Variants in ERCC6 observed in about 807,000 individuals in gnomAD.
The protein encoded by ERCC6 is ERCC excision repair 6, chromatin remodeling factor, also known as DNA excision repair protein ERCC-6.
ERCC6 carries 116 observed loss-of-function variants against 158.7 expected under a neutral mutation model. That is an observed-to-expected ratio of 0.73 (90% CI 0.63 to 0.85). ERCC6 has a LOEUF of 0.85. ERCC6 is among the 40% of genes least tolerant of loss of function. The pLI is 0.00. For synonymous variants in ERCC6, 678 were observed against 659.3 expected, an observed-to-expected ratio of 1.03 and a Z score of -0.43; for missense variants, 1,698 against 1,799.4, an observed-to-expected ratio of 0.94 and a Z score of 1.02.
chr10:49,490,357 CTTT>C (rs11400742), intron 8 of ERCC6, among the ~76,000 whole-genome samples: 5 of 140,448 alleles, frequency 3.6e-5, no homozygotes, highest in African/African-American at 2.6e-5. Flanking sequence ...AAAAATTTTC[CTTT>C]TTTTTTTTTT....
intron 8 of ERCC6, among the ~76,000 whole-genome samples, chr10:49,489,147 A>G (rs957872799): frequency 7.9e-5 from 12 of 152,214 alleles, no homozygotes; most frequent in African/African-American, 2.7e-4. Context: ...ATGTATCTGA[A>G]CATGAGAATA....
intron 18 of ERCC6, among the ~76,000 whole-genome samples, chr10:49,467,135 T>C (rs1850692115): frequency 6.6e-6 from 1 of 152,248 alleles, no homozygotes; most frequent in South Asian, 2.1e-4. Flanking sequence ...ATTTACTTGT[T>C]GGTAGACATT....
intron 7 of ERCC6, among the ~76,000 whole-genome samples, chr10:49,498,670 A>T (rs1851305941): frequency 6.6e-6 from 1 of 152,206 alleles, no homozygotes. Flanking sequence ...ATGAGCATTG[A>T]TAGTTAATTG....
chr10:49,493,214 G>C lies in ERCC6; in HGVS notation c.1724C>G (p.Thr575Arg). 1 of 1,614,136 alleles carries C rather than the reference G, an allele frequency of 6.2e-7. No individual in the cohort carries two copies. ...GLGPTVIVCP[T>R]TVMHQWVKEF... ...CTTCACCCACTGATGCATCACTGTT[G>C]TTGGACAGACAATTACAGTTGGACC... Residue 575 changes from threonine (T) to arginine (R), a missense_variant, in exon 8 of 21, where the codon ACA becomes AGA. Transcript: ENST00000355832.
the ERCC6 span, among the ~76,000 whole-genome samples, chr10:49,446,887 A>T: frequency 6.6e-6 from 1 of 152,366 alleles, no homozygotes; most frequent in East Asian, 1.9e-4. Context: ...GGGTGAAAGC[A>T]AATGAGGAGA....
chr10:49,535,066 G>A (rs1837566120), intron 1 of ERCC6, among the ~76,000 whole-genome samples: 1 of 152,156 alleles, frequency 6.6e-6, no homozygotes, highest in Non-Finnish European at 1.5e-5. Context: ...TTGAACACAT[G>A]GGCCATGCAT....
chr10:49,465,683 T>C (rs567847626), intron 18 of ERCC6, among the ~76,000 whole-genome samples: 1 of 152,334 alleles, frequency 6.6e-6, no homozygotes, highest in East Asian at 1.9e-4. Flanking sequence ...TGAATGAGTC[T>C]TATATGAGAT....
rs558441808 is a variant in ERCC6, at chr10:49,464,743, G to T, written c.3779-3187C>A. 4.7e-3 allele frequency among the ~76,000 whole-genome samples: 712 copies of T among 152,344 alleles called. 5 individuals carry two copies. The highest frequency in any genetic ancestry group is 0.016 in the African/African-American group (645 of 41,568). On this transcript the variant is annotated intron_variant, in intron 18 of 20. Coordinates refer to ENST00000355832, the MANE Select transcript of ERCC6 (RefSeq NM_000124.4). ...AGCTCAGGCTGTGGCTTCAGATGGT[G>T]CAAGCCCCAAGCCTTGGGAGCTTCC...
At chr10:49,499,848 T>C (rs1236443028) in intron 7 of ERCC6, among the ~76,000 whole-genome samples, 2 of 152,220 alleles carry the variant, frequency 1.3e-5, no homozygotes, top group East Asian at 3.8e-4. Context: ...CTAAAGAGAA[T>C]AAAGATTAAC....
intron 7 of ERCC6, among the ~76,000 whole-genome samples, chr10:49,498,651 GA>G (rs1034777917): frequency 2.6e-5 from 4 of 152,200 alleles, no homozygotes; most frequent in Admixed American, 2.6e-4. Context: ...TCATTATAGA[GA>G]AGAGGATATG....
downstream of ERCC6, among the ~76,000 whole-genome samples, chr10:49,451,344 CCTTGT>C (rs1356652750): frequency 6.6e-6 from 1 of 151,980 alleles, no homozygotes; most frequent in Non-Finnish European, 1.5e-5. Context: ...TAATGGGCAT[CCTTGT>C]CTTATTTCTA....
intron 7 of ERCC6, among the ~76,000 whole-genome samples, chr10:49,496,513 T>C (rs566098875): frequency 6.6e-6 from 1 of 152,312 alleles, no homozygotes; most frequent in South Asian, 2.1e-4. Context: ...TTCCTGAACT[T>C]AAAACAATTT....
downstream of ERCC6, among the ~76,000 whole-genome samples, chr10:49,449,513 C>T (rs1039580977): frequency 4.8e-5 from 7 of 146,590 alleles, no homozygotes; most frequent in South Asian, 8.8e-4. Flanking sequence ...TGAAGATTTA[C>T]CCATTTTCTT....
chr10:49,494,174 C>T (rs1463657619), intron 7 of ERCC6, among the ~76,000 whole-genome samples: 2 of 152,172 alleles, frequency 1.3e-5, no homozygotes, highest in Non-Finnish European at 1.5e-5. Context: ...CTGAATCCAA[C>T]TCTGCACACA....
At chr10:49,506,336 G>A (rs778727549) in intron 5 of ERCC6, 3 of 330,886 alleles carry the variant, frequency 9.1e-6, no homozygotes, top group African/African-American at 6.5e-5. Flanking sequence ...CATGAAATTA[G>A]TCCTAGAAAA....
At chr10:49,528,269 T>C (rs1837387426) in intron 4 of ERCC6, 148 bp downstream of exon 4, 1 of 925,580 alleles carries the variant, frequency 1.1e-6, no homozygotes, top group African/African-American at 1.7e-5. Flanking sequence ...GTGTAGAGAA[T>C]AAAATTTTCC....
At chr10:49,470,057 T>C in intron 18 of ERCC6, 125 bp downstream of exon 18, 2 of 864,150 alleles carry the variant, frequency 2.3e-6, no homozygotes, top group Non-Finnish European at 3.9e-6. Flanking sequence ...ATCTAAATTT[T>C]TGAAGAAAAA....
At chr10:49,465,240 G>A (rs112062630) in intron 18 of ERCC6, among the ~76,000 whole-genome samples, 68 of 152,344 alleles carry the variant, frequency 4.5e-4, no homozygotes, top group Non-Finnish European at 9.3e-4. Context: ...TGACTGCCCT[G>A]CTGGACTTCA....
intron 3 of ERCC6, 40 bp downstream of exon 3, chr10:49,530,680 C>T: frequency 6.2e-7 from 1 of 1,606,860 alleles, no homozygotes; most frequent in South Asian, 1.1e-5. Flanking sequence ...TAAATGATGA[C>T]TTTTTCAAAA....
Sources: gnomAD v4.1 joint callset for allele counts (sites outside exome capture counted in the v4.1 genomes callset) on GRCh38, gnomAD v4.1.1 for gene constraint, MANE v1.5 for transcripts, NCBI Gene and HGNC (gene_info 2026-07-23, HGNC 2026-07-21) for gene names.